Variants in TRIM66 observed in about 807,000 individuals in gnomAD.
The protein encoded by TRIM66 is tripartite motif containing 66, also known as tripartite motif-containing protein 66.
In TRIM66, 99 loss-of-function variants were observed where a neutral mutation model predicts 148.2. That is an observed-to-expected ratio of 0.67 (90% confidence interval 0.57 to 0.79). TRIM66 has a LOEUF of 0.79. Among genes scored for constraint, TRIM66 ranks in the 30% least tolerant of loss-of-function variants. The probability of loss-of-function intolerance (pLI) is 0.00; values close to 1 mark genes in which losing one functional copy is unlikely to be tolerated. For missense variants in TRIM66, 1,666 were observed against 1,697.9 expected, an observed-to-expected ratio of 0.98 and a Z score of 0.33; for synonymous variants, 616 against 635.9, an observed-to-expected ratio of 0.97 and a Z score of 0.47.
intron 15 of TRIM66, 105 bp downstream of exon 15, chr11:8,638,549 G>T: frequency 7.7e-7 from 1 of 1,299,184 alleles, no homozygotes; most frequent in Non-Finnish European, 1.1e-6. Context: ...TCCAGGGATG[G>T]AACAGGGACG....
At chr11:8,641,208 C>T (rs1184527401) in intron 13 of TRIM66, 56 bp from the exon 14 acceptor site, 8 of 1,441,326 alleles carry the variant, frequency 5.6e-6, no homozygotes, top group Non-Finnish European at 7.5e-6. Flanking sequence ...TCCCACCTTG[C>T]TACTTCCTGC....
rs2033801860 is a variant in TRIM66 at position 8,617,600 on chromosome 11, G to A, written c.*344C>T. 3.4e-6 allele frequency: 1 copy of A among 297,934 alleles called. No individual in the cohort carries two copies. Among genetic ancestry groups the A allele is most frequent in the East Asian group, 6.4e-5 (1 of 15,630 alleles). The allele number at this position is 297,934 out of a possible 1,614,324, so 18.5% of individuals were successfully genotyped here. A position where few individuals can be genotyped will look rare whatever the true frequency, so the allele number is the denominator to read the frequency against. On this transcript the variant is annotated 3_prime_UTR_variant, in exon 25 of 25. Transcript: ENST00000646038. ...GCTCCTGAGCCCTGGACACTAAAAG[G>A]TTAGACGGGTCTGCTTTCCCAGGCA...
At chr11:8,627,673 T>C (rs1173709713) in intron 15 of TRIM66, among the ~76,000 whole-genome samples, 1 of 152,248 alleles carries the variant, frequency 6.6e-6, no homozygotes, top group Non-Finnish European at 1.5e-5. Context: ...CATAATTTTG[T>C]AGATTTCCAT....
intron 3 of TRIM66, among the ~76,000 whole-genome samples, chr11:8,676,009 C>T (rs1235767515): frequency 6.6e-6 from 1 of 152,158 alleles, no homozygotes; most frequent in South Asian, 2.1e-4. Context: ...AGATTACAGG[C>T]GTGAGCCACC....
chr11:8,642,843 C>CCCAAAA (rs2036517029), intron 13 of TRIM66, among the ~76,000 whole-genome samples, 166 bp downstream of exon 13: 1 of 73,234 alleles, frequency 1.4e-5, no homozygotes, highest in Admixed American at 2.1e-4. Context: ...TCTTCCCCCT[C>CCCAAAA]AAAAAAAAAA....
Position 8,673,973 on chromosome 11 carries a change from C to T in TRIM66, c.-112+833G>A, listed in dbSNP as rs117605558. On this transcript the variant is annotated intron_variant, in intron 4 of 24. Transcript: ENST00000646038. ...AGGCTGCCTGGGGTCCAGAAAGATG[C>T]CACTACATAAAGCTATAGATAGACC... Among the ~76,000 whole-genome samples, 1,451 of 152,310 alleles carry T rather than the reference C, an allele frequency of 9.5e-3. 11 individuals are homozygous for T. The highest frequency in any genetic ancestry group is 0.016 in the Non-Finnish European group (1,085 of 68,032).
chr11:8,670,960 A>G (rs1190734108), intron 6 of TRIM66, among the ~76,000 whole-genome samples: 1 of 152,206 alleles, frequency 6.6e-6, no homozygotes, highest in Non-Finnish European at 1.5e-5. Flanking sequence ...TCATGAAAAT[A>G]TGTGTGTGGA....
intron 6 of TRIM66, among the ~76,000 whole-genome samples, chr11:8,661,125 C>T (rs761784810): frequency 1.3e-5 from 2 of 152,152 alleles, no homozygotes; most frequent in Admixed American, 1.3e-4. Context: ...AGTGAAGTGA[C>T]GTCAGGAAAA....
At chr11:8,641,674 C>T (rs555353108) in intron 13 of TRIM66, among the ~76,000 whole-genome samples, 72 of 152,176 alleles carry the variant, frequency 4.7e-4, no homozygotes, top group African/African-American at 1.7e-3. Flanking sequence ...GCTGTGTCCC[C>T]GCCCAAATCT....
chr11:8,631,598 G>C (rs1206578210), intron 15 of TRIM66, among the ~76,000 whole-genome samples: 1 of 152,174 alleles, frequency 6.6e-6, no homozygotes, highest in Admixed American at 6.5e-5. Context: ...GGCTTAGCTT[G>C]TTCTTTCAGT....
chr11:8,677,467 T>C (rs2039228403), intron 3 of TRIM66, among the ~76,000 whole-genome samples: 1 of 152,152 alleles, frequency 6.6e-6, no homozygotes, highest in African/African-American at 2.4e-5. Flanking sequence ...ATTTGTTCAA[T>C]ATAATTCAGT....
chr11:8,624,723 G>A lies in TRIM66; in HGVS notation c.2816C>T (p.Ala939Val), dbSNP rs2034644909. 6 of 1,522,552 alleles carry A rather than the reference G, an allele frequency of 3.9e-6. No homozygotes were observed. In the East Asian group the frequency reaches 9.9e-5, roughly 25 times the overall value. 94.3% of individuals were successfully genotyped at this position (1,522,552 alleles called of 1,614,324 possible). ...TTCCCCAGGACTTACCTTACACAGAGCATTCTCCAGGGAGGGATCAGCCCC... is the reference window on the plus strand; with the variant it reads ...TTCCCCAGGACTTACCTTACACAGAACATTCTCCAGGGAGGGATCAGCCCC... ...RDGADPSLEN[A>V]LCKMESEDST... The change falls in exon 16 of 25, where the codon GCT (alanine) becomes GTT (valine). Residue 939 changes from alanine to valine, a missense_variant. This residue lies in a region of TRIM66 where 1,431 missense variants were observed against 1,412.4 expected (regional missense o/e 1.01). Coordinates refer to ENST00000646038, the MANE Select transcript of TRIM66 (RefSeq NM_001388022.1).
intron 6 of TRIM66, among the ~76,000 whole-genome samples, chr11:8,652,188 G>A (rs181654225): frequency 4.1e-4 from 62 of 152,168 alleles, no homozygotes; most frequent in Non-Finnish European, 8.8e-4. Flanking sequence ...CAGGCCCAAC[G>A]CTGCTTTGGT....
chr11:8,628,600 A>AAG (rs1405563113), intron 15 of TRIM66, among the ~76,000 whole-genome samples: 12 of 136,092 alleles, frequency 8.8e-5, no homozygotes, highest in African/African-American at 3.3e-4. Flanking sequence ...GCAACAGAGG[A>AAG]AGACCCTGTC....
Position 8,671,806 on chromosome 11 carries a change from G to C in TRIM66, c.320C>G (p.Ala107Gly). The C allele has an allele frequency of 6.9e-7, 1 of 1,457,498 alleles. No homozygotes were observed. Among genetic ancestry groups the C allele is most frequent in the South Asian group, 1.2e-5 (1 of 82,540 alleles). The allele number at this position is 1,457,498 out of a possible 1,614,324, so 90.3% of individuals were successfully genotyped here. ...LIQELGQIAK[A>G]HETVADELIS... Reference sequence around the variant, plus strand: ...CTTACCATCTGCAACAGTCTCATGAGCCTTGGCAATCTGCCCTAGCTCCTG... The same window carrying C: ...CTTACCATCTGCAACAGTCTCATGACCCTTGGCAATCTGCCCTAGCTCCTG... Residue 107 changes from alanine to glycine, a missense_variant, in exon 6 of 25, where the codon GCT becomes GGT. This residue lies in a region of TRIM66 where 1,431 missense variants were observed against 1,412.4 expected (regional missense o/e 1.01). Coordinates refer to ENST00000646038, the MANE Select transcript of TRIM66 (RefSeq NM_001388022.1).
chr11:8,664,702 T>C (rs1014336410), intron 6 of TRIM66, among the ~76,000 whole-genome samples: 1 of 152,200 alleles, frequency 6.6e-6, no homozygotes, highest in African/African-American at 2.4e-5. Context: ...GATTAAGTCA[T>C]TTATTCTATA....
chr11:8,664,142 C>T (rs2133412054), intron 6 of TRIM66, among the ~76,000 whole-genome samples: 1 of 152,252 alleles, frequency 6.6e-6, no homozygotes, highest in African/African-American at 2.4e-5. Context: ...GTTCTCACCA[C>T]CAAAATGATA....
In TRIM66 at chr11:8,640,758, C is replaced by T. The variant is rs1402346507; in HGVS notation, c.1617G>A (p.Glu539=). The T allele has an allele frequency of 1.3e-6, 2 of 1,551,302 alleles. No homozygotes were observed. The highest frequency in any genetic ancestry group is 8.7e-7 in the Non-Finnish European group (1 of 1,146,990). Reference sequence around the variant, plus strand: ...CCAGCCGCTGGGATGTGCTCTCCTGCTCCACGGGGGGCTGGGTTTCCAGCC... The same window carrying T: ...CCAGCCGCTGGGATGTGCTCTCCTGTTCCACGGGGGGCTGGGTTTCCAGCC... ...QPWLETQPPV[E]QESTSQRLGQ... Residue 539 remains glutamate, a synonymous_variant, in exon 14 of 25, where the codon GAG becomes GAA. Transcript: ENST00000646038.
intron 19 of TRIM66, 139 bp downstream of exon 19, chr11:8,621,506 G>A: frequency 7.7e-7 from 1 of 1,298,496 alleles, no homozygotes; most frequent in South Asian, 1.6e-5. Flanking sequence ...GGACCTTGCA[G>A]CAGGGGACAA....
Sources: gnomAD v4.1 joint callset for allele counts (sites outside exome capture counted in the v4.1 genomes callset) on GRCh38, gnomAD v4.1.1 for gene constraint, gnomAD v4.1.1 regional missense constraint, MANE v1.5 for transcripts, NCBI Gene and HGNC (gene_info 2026-07-23, HGNC 2026-07-21) for gene names.